Variants in NOL4 observed in about 807,000 individuals in gnomAD.
NOL4 encodes the protein cancer/testis antigen 125.
NOL4 carries 17 observed loss-of-function variants against 75.9 expected under a neutral mutation model. The ratio of observed to expected loss-of-function variants is 0.22; its 90% CI spans 0.15 to 0.34. NOL4 has a LOEUF of 0.34. Among genes scored for constraint, NOL4 ranks in the 10% least tolerant of loss-of-function variants. The pLI is 1.00. For missense variants in NOL4, 614 were observed against 793.5 expected (o/e 0.77, Z 2.72); for synonymous variants, 292 against 289.9 (o/e 1.01, Z -0.07).
intron 6 of NOL4, among the ~76,000 whole-genome samples, chr18:33,964,874 T>C (rs746526027): frequency 6.6e-6 from 1 of 152,178 alleles, no homozygotes; most frequent in Non-Finnish European, 1.5e-5. Context: ...GCAATTGACC[T>C]TGGTTTTGCA....
At chr18:34,121,862 G>A (rs2080157149) in intron 2 of NOL4, among the ~76,000 whole-genome samples, 1 of 152,104 alleles carries the variant, frequency 6.6e-6, no homozygotes, top group Admixed American at 6.6e-5. Context: ...GGGGTTTGGT[G>A]GTGCTGAAAG....
chr18:33,961,984 T>A (rs559590125), intron 6 of NOL4, among the ~76,000 whole-genome samples: 2 of 152,256 alleles, frequency 1.3e-5, no homozygotes, highest in African/African-American at 4.8e-5. Flanking sequence ...CCAGCACCTT[T>A]TTCTTTCAGA....
intron 9 of NOL4, among the ~76,000 whole-genome samples, chr18:33,932,169 A>T (rs1331545781): frequency 6.6e-6 from 1 of 152,100 alleles, no homozygotes; most frequent in African/African-American, 2.4e-5. Flanking sequence ...TTATTTTATT[A>T]CATATTACTT....
chr18:33,952,312 G>A (rs2145677061), intron 8 of NOL4, among the ~76,000 whole-genome samples: 1 of 152,244 alleles, frequency 6.6e-6, no homozygotes, highest in Middle Eastern at 3.4e-3. Context: ...TAAACAATGA[G>A]CAAAGGTACC....
chr18:34,097,378 G>A (rs1487139549), intron 4 of NOL4, among the ~76,000 whole-genome samples: 1 of 150,604 alleles, frequency 6.6e-6, no homozygotes, highest in Non-Finnish European at 1.5e-5. Flanking sequence ...TGTAGATCCT[G>A]TTAAAAATTC....
intron 6 of NOL4, among the ~76,000 whole-genome samples, chr18:33,977,653 G>A (rs1014401688): frequency 2.3e-4 from 35 of 152,064 alleles, no homozygotes; most frequent in Middle Eastern, 3.2e-3. Context: ...TACCTACTAT[G>A]TTATCGAATA....
At chr18:34,197,609 C>G (rs2035425536) in intron 1 of NOL4, among the ~76,000 whole-genome samples, 2 of 151,832 alleles carry the variant, frequency 1.3e-5, no homozygotes, top group Admixed American at 1.3e-4. Flanking sequence ...CATAAAGGGA[C>G]ATAAACACTA....
intron 6 of NOL4, among the ~76,000 whole-genome samples, chr18:33,995,852 A>G (rs1307923433): frequency 6.6e-6 from 1 of 151,950 alleles, no homozygotes; most frequent in Non-Finnish European, 1.5e-5. Flanking sequence ...AATATGGCCT[A>G]ATTTGGAGAA....
In NOL4 at chr18:34,121,879, T is replaced by TA. The variant is rs1349396829; in HGVS notation, c.414+7991dup. Among the ~76,000 whole-genome samples, 3 of 152,254 alleles carry TA rather than the reference T, an allele frequency of 2.0e-5. No homozygotes were observed. The East Asian group carries it at 5.8e-4, about 29-fold the overall frequency. ...GGTTTGGTGGTGCTGAAAGTTAACA[T>TA]ATTATGGGATATCAAAAGGCCTGGA... On this transcript the variant is annotated intron_variant, in intron 2 of 10. Coordinates refer to ENST00000261592, the MANE Select transcript of NOL4 (RefSeq NM_003787.5).
At chr18:33,881,587 C>T (rs890121912) in intron 10 of NOL4, among the ~76,000 whole-genome samples, 24 of 151,322 alleles carry the variant, frequency 1.6e-4, no homozygotes, top group Non-Finnish European at 3.0e-4. Context: ...ATTCCATGCT[C>T]ATGGGTAGGA....
intron 9 of NOL4, among the ~76,000 whole-genome samples, chr18:33,890,522 T>G (rs2065031413): frequency 6.6e-6 from 1 of 152,122 alleles, no homozygotes; most frequent in Admixed American, 6.6e-5. Context: ...TGGAAAAAAC[T>G]TTAAAATTCA....
chr18:33,863,556 T>A (rs1323419520), intron 10 of NOL4, among the ~76,000 whole-genome samples: 11 of 152,166 alleles, frequency 7.2e-5, no homozygotes, highest in Admixed American at 2.0e-4. Context: ...AGTTGGGCAG[T>A]CATGAAATCT....
chr18:34,018,029 CTGAA>C (rs1236601968), intron 6 of NOL4, among the ~76,000 whole-genome samples: 1 of 151,698 alleles, frequency 6.6e-6, no homozygotes, highest in African/African-American at 2.4e-5. Flanking sequence ...CAGAGTAATA[CTGAA>C]TAAGGGAATA....
chr18:33,935,214 C>A (rs888812939), intron 9 of NOL4, among the ~76,000 whole-genome samples: 1 of 152,102 alleles, frequency 6.6e-6, no homozygotes, highest in African/African-American at 2.4e-5. Context: ...TTCACACTTA[C>A]AACTTGGCTG....
chr18:33,942,670 G>A (rs938689873), intron 9 of NOL4, among the ~76,000 whole-genome samples: 3 of 151,794 alleles, frequency 2.0e-5, no homozygotes, highest in African/African-American at 7.3e-5. Context: ...GCGGTAGTAG[G>A]CCAGAGGAAA....
intron 4 of NOL4, among the ~76,000 whole-genome samples, chr18:34,101,849 T>TGG (rs2079056651): frequency 6.6e-6 from 1 of 152,038 alleles, no homozygotes; most frequent in Non-Finnish European, 1.5e-5. Flanking sequence ...CTCAAAACCT[T>TGG]CTAATGGCTC....
At chr18:34,131,893 T>A (rs535319839) in intron 1 of NOL4, among the ~76,000 whole-genome samples, 4 of 152,206 alleles carry the variant, frequency 2.6e-5, no homozygotes, top group Non-Finnish European at 5.9e-5. Context: ...AAATAGGTAT[T>A]AAAGAAATGG....
At chr18:34,181,245 T>C (rs1485132898) in intron 1 of NOL4, among the ~76,000 whole-genome samples, 1 of 151,568 alleles carries the variant, frequency 6.6e-6, no homozygotes, top group Non-Finnish European at 1.5e-5. Context: ...GGAATGTAAT[T>C]GAGCATCCAA....
At position 34,012,467 on chromosome 18, in the gene NOL4, T is replaced by C. The variant is rs900290621; in HGVS notation, c.1056+6851A>G. 4.0e-5 allele frequency among the ~76,000 whole-genome samples: 6 copies of C among 151,868 alleles called. No individual in the cohort carries two copies. In the South Asian group the frequency reaches 1.2e-3, roughly 32 times the overall value. On this transcript the variant is annotated intron_variant, in intron 6 of 10. Coordinates refer to ENST00000261592, the MANE Select transcript of NOL4 (RefSeq NM_003787.5). ...CAGTAATGAGCAGAACTGAAGAATA[T>C]GTGATCTTTAAGTATGGAATATACT...
Sources: allele counts gnomAD v4.1 joint callset (sites outside exome capture counted in the v4.1 genomes callset), GRCh38; gene constraint gnomAD v4.1.1; transcripts MANE v1.5; gene names NCBI Gene and HGNC (gene_info 2026-07-23, HGNC 2026-07-21).